ADARB2: variants seen among roughly 807,000 people sequenced by gnomAD.
ADARB2 encodes the protein adenosine deaminase RNA specific B2 (inactive), also known as inactive double-stranded RNA-specific editase B2.
ADARB2 carries 25 observed loss-of-function variants against 62.2 expected under a neutral mutation model. The ratio of observed to expected loss-of-function variants is 0.40; its 90% CI spans 0.29 to 0.56. The LOEUF (loss-of-function observed/expected upper bound fraction) is 0.56, where lower values mean the gene tolerates loss of function less well. Ranked by LOEUF, ADARB2 falls within the 20% of genes least tolerant of loss-of-function variation. The pLI is 0.43. For synonymous variants in ADARB2, 572 were observed against 500.8 expected (o/e 1.14, Z -1.90); for missense variants, 1,071 against 1,077.4 (o/e 0.99, Z 0.08).
At chr10:1,554,099 GT>G (rs1344014378) in intron 1 of ADARB2, among the ~76,000 whole-genome samples, 4 of 152,182 alleles carry the variant, frequency 2.6e-5, no homozygotes, top group African/African-American at 9.6e-5. Flanking sequence ...GTCCCCCTGG[GT>G]CCCCCAGGCT....
chr10:1,317,334 G>A (rs1288989066), intron 3 of ADARB2, among the ~76,000 whole-genome samples: 1 of 152,192 alleles, frequency 6.6e-6, no homozygotes, highest in Non-Finnish European at 1.5e-5. Context: ...TACATAATCA[G>A]GCATAATCCC....
intron 1 of ADARB2, among the ~76,000 whole-genome samples, chr10:1,516,715 C>T (rs571274666): frequency 3.8e-4 from 58 of 152,302 alleles, no homozygotes; most frequent in South Asian, 1.0e-3. Context: ...CCGCGGAGGC[C>T]CCGTGCACCC....
At chr10:1,254,875 C>T (rs1292000330) in intron 4 of ADARB2, among the ~76,000 whole-genome samples, 1 of 152,218 alleles carries the variant, frequency 6.6e-6, no homozygotes. Flanking sequence ...CCATGGTCCC[C>T]ATTTGCTGTA....
At chr10:1,335,470 TG>T (rs1021816540) in intron 3 of ADARB2, among the ~76,000 whole-genome samples, 2 of 25,616 alleles carry the variant, frequency 7.8e-5, no homozygotes, top group African/African-American at 2.8e-4. Flanking sequence ...GGAAGAAGGG[TG>T]GGGGGTGAAG....
chr10:1,422,310 G>T lies in ADARB2; in HGVS notation c.101-43150C>A, dbSNP rs377400642. Among the ~76,000 whole-genome samples the T allele has an allele frequency of 3.3e-5, 5 of 152,272 alleles. 1 individual carries two copies. Among genetic ancestry groups the T allele is most frequent in the African/African-American group, 1.2e-4 (5 of 41,544 alleles). ...TCAGGAGTTTTCAGTGCTCTGATTC[G>T]GTAAATTTATTTACAGAGACAGCTG... is the stretch of plus-strand genomic sequence containing the variant. On this transcript the variant is annotated intron_variant, in intron 1 of 9. Transcript: ENST00000381312.
At chr10:1,218,085 C>G (rs1830648152) in intron 6 of ADARB2, among the ~76,000 whole-genome samples, 1 of 152,318 alleles carries the variant, frequency 6.6e-6, no homozygotes, top group South Asian at 2.1e-4. Context: ...GAGTCTCGCT[C>G]TCTTACCCAG....
At chr10:1,566,095 A>C (rs767003176) in intron 1 of ADARB2, among the ~76,000 whole-genome samples, 4,851 of 132,580 alleles carry the variant, frequency 0.037, 374 homozygotes, top group Non-Finnish European at 0.053. Context: ...AAAAAAAAAA[A>C]AAAAAAAAAA....
At chr10:1,663,161 G>C (rs1015514851) in intron 1 of ADARB2, among the ~76,000 whole-genome samples, 7 of 152,190 alleles carry the variant, frequency 4.6e-5, no homozygotes. Context: ...GCAGTTTTCG[G>C]TTTACAGAAA....
At chr10:1,598,563 G>A (rs1833366981) in intron 1 of ADARB2, among the ~76,000 whole-genome samples, 1 of 152,166 alleles carries the variant, frequency 6.6e-6, no homozygotes, top group Non-Finnish European at 1.5e-5. Flanking sequence ...GAAACGGGTC[G>A]GGGATGTGGC....
At chr10:1,479,680 G>A (rs2131923244) in intron 1 of ADARB2, among the ~76,000 whole-genome samples, 1 of 152,238 alleles carries the variant, frequency 6.6e-6, no homozygotes, top group Non-Finnish European at 1.5e-5. Flanking sequence ...CATGTAACTG[G>A]TTTCCACCAA....
intron 1 of ADARB2, among the ~76,000 whole-genome samples, chr10:1,510,532 G>T (rs145519612): frequency 1.3e-3 from 197 of 152,188 alleles, no homozygotes; most frequent in African/African-American, 4.5e-3. Flanking sequence ...ACCCATTGCC[G>T]AATGATTATT....
chr10:1,564,970 T>TCGG (rs1458193324), intron 1 of ADARB2, among the ~76,000 whole-genome samples: 2 of 152,210 alleles, frequency 1.3e-5, no homozygotes, highest in Non-Finnish European at 2.9e-5. Context: ...AGGCCTGGCC[T>TCGG]CGGCCGTAGA....
intron 1 of ADARB2, among the ~76,000 whole-genome samples, chr10:1,420,855 T>C (rs946252027): frequency 6.6e-6 from 1 of 152,176 alleles, no homozygotes; most frequent in African/African-American, 2.4e-5. Flanking sequence ...TTGTAAGGCA[T>C]GCTTCCAAAG....
chr10:1,587,023 A>G (rs1351560717), intron 1 of ADARB2, among the ~76,000 whole-genome samples: 1 of 152,200 alleles, frequency 6.6e-6, no homozygotes. Flanking sequence ...CGTGCACTCA[A>G]TTACACCGGG....
chr10:1,268,438 A>G (rs1831228329), intron 4 of ADARB2, among the ~76,000 whole-genome samples: 1 of 152,062 alleles, frequency 6.6e-6, no homozygotes, highest in Non-Finnish European at 1.5e-5. Context: ...CATAAACAGA[A>G]CTTTCAGGAG....
At chr10:1,517,052 G>A (rs1418482303) in intron 1 of ADARB2, among the ~76,000 whole-genome samples, 1 of 152,160 alleles carries the variant, frequency 6.6e-6, no homozygotes, top group Non-Finnish European at 1.5e-5. Flanking sequence ...CAGCGGTCGT[G>A]GCGTCAGGCC....
At chr10:1,725,828 C>T (rs962642170) in intron 1 of ADARB2, among the ~76,000 whole-genome samples, 1 of 152,238 alleles carries the variant, frequency 6.6e-6, no homozygotes, top group Non-Finnish European at 1.5e-5. Flanking sequence ...ATCAGCTCAT[C>T]CCGAACCGAA....
chr10:1,220,040 T>TGGTG (rs1830672340), intron 6 of ADARB2, among the ~76,000 whole-genome samples: 1 of 142,200 alleles, frequency 7.0e-6, no homozygotes. Context: ...GTGATGATGG[T>TGGTG]AATGGTGATG....
chr10:1,503,637 A>G (rs1400182779), intron 1 of ADARB2, among the ~76,000 whole-genome samples: 1 of 152,020 alleles, frequency 6.6e-6, no homozygotes, highest in Admixed American at 6.6e-5. Flanking sequence ...CTCATGTTAA[A>G]ATGTAATCCT....
Sources: allele counts gnomAD v4.1 joint callset (sites outside exome capture counted in the v4.1 genomes callset), GRCh38; gene constraint gnomAD v4.1.1; transcripts MANE v1.5; gene names NCBI Gene and HGNC (gene_info 2026-07-23, HGNC 2026-07-21).